Variants in CAST observed in about 807,000 individuals in gnomAD.
The protein encoded by CAST is calpastatin.
In CAST, 76 loss-of-function variants were observed where a neutral mutation model predicts 119.6. That is an observed-to-expected ratio of 0.64 (90% confidence interval 0.53 to 0.77). The LOEUF (loss-of-function observed/expected upper bound fraction) is 0.77, where lower values mean the gene tolerates loss of function less well. CAST is among the 30% of genes least tolerant of loss of function. The pLI, the probability that CAST is intolerant of heterozygous loss-of-function variation, is 0.00. For missense variants in CAST, 953 were observed against 946.5 expected (o/e 1.01, Z -0.09); for synonymous variants, 319 against 331.6 (o/e 0.96, Z 0.41).
the CAST span, among the ~76,000 whole-genome samples, chr5:96,367,980 C>T: frequency 1.4e-4 from 22 of 152,108 alleles, no homozygotes; most frequent in African/African-American, 2.2e-4. Flanking sequence ...CCCTCTAGTA[C>T]GCTTTTATAA....
the CAST span, among the ~76,000 whole-genome samples, chr5:96,050,626 A>G: frequency 6.6e-6 from 1 of 152,256 alleles, no homozygotes; most frequent in African/African-American, 2.4e-5. Context: ...TAGGAAGAGT[A>G]GACGTGGTTT....
At chr5:96,309,068 C>T in the CAST span, among the ~76,000 whole-genome samples, 2 of 152,196 alleles carry the variant, frequency 1.3e-5, no homozygotes, top group Non-Finnish European at 2.9e-5. Flanking sequence ...GCCACCCCTT[C>T]CCCCAGATGC....
chr5:96,491,769 C>G, the CAST span, among the ~76,000 whole-genome samples: 3 of 152,086 alleles, frequency 2.0e-5, no homozygotes, highest in East Asian at 5.8e-4. Context: ...TGTCTATCAA[C>G]AGTAGAATGA....
chr5:96,337,266 C>G, the CAST span, among the ~76,000 whole-genome samples: 1 of 152,080 alleles, frequency 6.6e-6, no homozygotes, highest in Non-Finnish European at 1.5e-5. Context: ...ACCCAAACCC[C>G]TTTTAGCCTG....
At chr5:96,316,765 C>G in the CAST span, among the ~76,000 whole-genome samples, 3 of 152,152 alleles carry the variant, frequency 2.0e-5, no homozygotes, top group African/African-American at 7.2e-5. Context: ...AAAGACTATA[C>G]TAATTCCTTT....
At chr5:96,046,674 GAGTAAT>G in the CAST span, among the ~76,000 whole-genome samples, 1 of 152,148 alleles carries the variant, frequency 6.6e-6, no homozygotes, top group African/African-American at 2.4e-5. Context: ...TTTTACAAAA[GAGTAAT>G]AAGACATGGT....
chr5:96,619,607 T>C (rs1747552238), intron 1 of CAST, among the ~76,000 whole-genome samples: 3 of 152,214 alleles, frequency 2.0e-5, no homozygotes, highest in East Asian at 1.9e-4. Context: ...GCTTCCTTTA[T>C]GAGCTGTAAC....
chr5:96,530,277 G>A (rs1330814434), intron 1 of CAST, among the ~76,000 whole-genome samples: 3 of 152,068 alleles, frequency 2.0e-5, no homozygotes, highest in Admixed American at 2.0e-4. Flanking sequence ...TAGGAAGGAT[G>A]AGAAGCCATG....
the CAST span, among the ~76,000 whole-genome samples, chr5:96,224,509 A>C: frequency 6.6e-6 from 1 of 152,148 alleles, no homozygotes; most frequent in Non-Finnish European, 1.5e-5. Flanking sequence ...GATTTGATAC[A>C]CACAGAAGAG....
intron 3 of CAST, among the ~76,000 whole-genome samples, chr5:96,710,325 G>C (rs1007434700): frequency 2.5e-4 from 38 of 152,064 alleles, no homozygotes; most frequent in African/African-American, 8.7e-4. Flanking sequence ...AGAAAATGGT[G>C]GTCCTTTCAA....
At chr5:96,220,132 A>G in the CAST span, among the ~76,000 whole-genome samples, 1 of 152,170 alleles carries the variant, frequency 6.6e-6, no homozygotes, top group African/African-American at 2.4e-5. Context: ...GTCCTGGCTA[A>G]TGGGACGTGA....
chr5:96,174,766 G>A, the CAST span, among the ~76,000 whole-genome samples: 1 of 152,234 alleles, frequency 6.6e-6, no homozygotes, highest in Non-Finnish European at 1.5e-5. Context: ...TAGTAGTGTT[G>A]CCATAGAATT....
the CAST span, among the ~76,000 whole-genome samples, chr5:96,483,583 T>C: frequency 6.6e-6 from 1 of 152,182 alleles, no homozygotes; most frequent in East Asian, 1.9e-4. Flanking sequence ...TCCAGGAAAG[T>C]TTTTCACTTT....
chr5:96,535,643 G>T (rs947334710), intron 1 of CAST, among the ~76,000 whole-genome samples: 3 of 143,822 alleles, frequency 2.1e-5, no homozygotes, highest in Admixed American at 7.4e-5. Context: ...GCGCGATCTC[G>T]GCTCACTGCA....
the CAST span, among the ~76,000 whole-genome samples, chr5:96,056,679 T>C: frequency 6.6e-6 from 1 of 152,176 alleles, no homozygotes; most frequent in African/African-American, 2.4e-5. Flanking sequence ...GTCCTAATGC[T>C]GAGATGGGGA....
chr5:96,646,426 A>G (rs568494133), intron 1 of CAST, among the ~76,000 whole-genome samples: 1 of 152,378 alleles, frequency 6.6e-6, no homozygotes, highest in East Asian at 1.9e-4. Flanking sequence ...ATAAGATGTT[A>G]TGCAGTCATT....
the CAST span, among the ~76,000 whole-genome samples, chr5:96,349,757 G>A: frequency 1.3e-5 from 2 of 152,050 alleles, no homozygotes; most frequent in African/African-American, 4.8e-5. Context: ...TAAGTGACAG[G>A]GAGCCAGTAA....
chr5:96,197,666 A>G, the CAST span, among the ~76,000 whole-genome samples: 1 of 152,172 alleles, frequency 6.6e-6, no homozygotes, highest in East Asian at 1.9e-4. Flanking sequence ...GGTATCTTCA[A>G]ACTGAGGCAT....
At chr5:96,080,972 A>G in the CAST span, among the ~76,000 whole-genome samples, 95,818 of 152,044 alleles carry the variant, frequency 0.63, 30,569 homozygotes, top group African/African-American at 0.69. Context: ...TTGTATTTTC[A>G]ATGCACAAAG....
Sources: gnomAD v4.1 joint callset for allele counts (sites outside exome capture counted in the v4.1 genomes callset) on GRCh38, gnomAD v4.1.1 for gene constraint, MANE v1.5 for transcripts, NCBI Gene and HGNC (gene_info 2026-07-23, HGNC 2026-07-21) for gene names.